The following TMTC2 variants were observed in gnomAD, a reference collection of about 807,000 sequenced individuals.
TMTC2 encodes the protein transmembrane O-mannosyltransferase targeting cadherins 2.
In TMTC2, 43 loss-of-function variants were observed where a neutral mutation model predicts 82.4. The ratio of observed to expected loss-of-function variants is 0.52; its 90% CI spans 0.41 to 0.67. The LOEUF (loss-of-function observed/expected upper bound fraction) is 0.67, where lower values mean the gene tolerates loss of function less well. Ranked by LOEUF, TMTC2 falls within the 30% of genes least tolerant of loss-of-function variation. The pLI, the probability that TMTC2 is intolerant of heterozygous loss-of-function variation, is 0.00. For missense variants in TMTC2, 919 were observed against 1,012.4 expected (o/e 0.91, Z 1.25); for synonymous variants, 408 against 381.9 (o/e 1.07, Z -0.80).
At chr12:83,130,011 A>G (rs1033496940) in intron 11 of TMTC2, among the ~76,000 whole-genome samples, 2 of 152,332 alleles carry the variant, frequency 1.3e-5, no homozygotes, top group South Asian at 2.1e-4. Context: ...GATTCAAGAA[A>G]TAATGACTAT....
At chr12:83,126,498 C>T (rs2137568539) in intron 11 of TMTC2, among the ~76,000 whole-genome samples, 1 of 152,200 alleles carries the variant, frequency 6.6e-6, no homozygotes, top group East Asian at 1.9e-4. Context: ...ATCTGTACTG[C>T]TACCTATTTG....
At position 83,133,724 on chromosome 12, in the gene TMTC2, C is replaced by T. The variant is rs1197379746; in HGVS notation, c.*1335C>T. 6.6e-6 allele frequency: 1 copy of T among 152,178 alleles called. No homozygotes were observed. Among genetic ancestry groups the T allele is most frequent in the Non-Finnish European group, 1.5e-5 (1 of 68,020 alleles). The allele number at this position is 152,178 out of a possible 1,614,324, so 9.4% of individuals were successfully genotyped here. On this transcript the variant is annotated 3_prime_UTR_variant, in exon 12 of 12. Coordinates refer to ENST00000321196, the MANE Select transcript of TMTC2 (RefSeq NM_152588.3). ...ATTTTTATTGAACATTTTTGGCTTG[C>T]AATCAAACTTTGCCACTAAAAATTA...
At chr12:82,914,817 ATTTTTTTT>A (rs71068958) in intron 3 of TMTC2, among the ~76,000 whole-genome samples, 3 of 86,408 alleles carry the variant, frequency 3.5e-5, no homozygotes, top group South Asian at 4.1e-4. Flanking sequence ...CAACTCACTT[ATTTTTTTT>A]TTTTTTTTTT....
intron 4 of TMTC2, among the ~76,000 whole-genome samples, chr12:82,959,629 A>C (rs764200628): frequency 2.6e-5 from 4 of 152,108 alleles, no homozygotes; most frequent in Non-Finnish European, 5.9e-5. Context: ...ATATGCATGA[A>C]ATCAAATTGG....
intron 1 of TMTC2, among the ~76,000 whole-genome samples, chr12:82,823,963 G>A (rs751052220): frequency 2.7e-5 from 4 of 147,466 alleles, no homozygotes; most frequent in African/African-American, 1.0e-4. Context: ...GTGCAATTTC[G>A]ACTCTTTGCA....
At chr12:83,054,606 TTA>T (rs1349457178) in intron 10 of TMTC2, among the ~76,000 whole-genome samples, 3 of 150,718 alleles carry the variant, frequency 2.0e-5, no homozygotes, top group East Asian at 1.9e-4. Context: ...TATATGTCAT[TTA>T]TATATATAGT....
chr12:82,705,175 T>C (rs561508675), intron 1 of TMTC2, among the ~76,000 whole-genome samples: 1 of 152,152 alleles, frequency 6.6e-6, no homozygotes. Flanking sequence ...CAATGGACTT[T>C]GGGGATTCAA....
intron 2 of TMTC2, among the ~76,000 whole-genome samples, chr12:82,883,030 TG>T (rs921730300): frequency 4.8e-4 from 59 of 123,748 alleles, no homozygotes; most frequent in Non-Finnish European, 4.7e-4. Context: ...CACTCCAGAC[TG>T]GGCAACAGAA....
intron 1 of TMTC2, chr12:82,690,247 G>C (rs1382900349): frequency 1.1e-5 from 4 of 374,396 alleles, no homozygotes; most frequent in Non-Finnish European, 1.5e-5. Flanking sequence ...CTACATTTCA[G>C]ATGCAAAGAT....
At chr12:82,740,767 C>T (rs1303291374) in intron 1 of TMTC2, among the ~76,000 whole-genome samples, 2 of 152,214 alleles carry the variant, frequency 1.3e-5, no homozygotes, top group African/African-American at 4.8e-5. Context: ...CATACCGGCT[C>T]TTCTTTCTGC....
chr12:82,808,994 T>C (rs977930941), intron 1 of TMTC2, among the ~76,000 whole-genome samples: 1 of 145,834 alleles, frequency 6.9e-6, no homozygotes, highest in African/African-American at 2.6e-5. Flanking sequence ...TCTAAATCCA[T>C]TGTTTGATTT....
intron 1 of TMTC2, among the ~76,000 whole-genome samples, chr12:82,748,662 G>A (rs1438070213): frequency 6.6e-6 from 1 of 152,126 alleles, no homozygotes. Context: ...GATCACCTGA[G>A]GTCAGAAGTT....
chr12:82,846,335 G>A (rs549054183), intron 1 of TMTC2, among the ~76,000 whole-genome samples: 2 of 152,176 alleles, frequency 1.3e-5, no homozygotes, highest in East Asian at 3.9e-4. Flanking sequence ...TCCAGCCTGG[G>A]CAACAGAACG....
At chr12:82,886,981 G>A (rs1439735188) in intron 2 of TMTC2, among the ~76,000 whole-genome samples, 1 of 152,172 alleles carries the variant, frequency 6.6e-6, no homozygotes, top group Non-Finnish European at 1.5e-5. Flanking sequence ...GTGATGGATG[G>A]TGAATATAAA....
At chr12:82,731,462 A>G (rs1874805819) in intron 1 of TMTC2, among the ~76,000 whole-genome samples, 2 of 152,248 alleles carry the variant, frequency 1.3e-5, no homozygotes. Flanking sequence ...GACATAATTT[A>G]TGAGAAGTAT....
intron 8 of TMTC2, among the ~76,000 whole-genome samples, chr12:83,012,725 T>C (rs1181431531): frequency 6.6e-6 from 1 of 152,148 alleles, no homozygotes; most frequent in Non-Finnish European, 1.5e-5. Context: ...CAGCAAAGTG[T>C]GTAATATAAG....
intron 7 of TMTC2, among the ~76,000 whole-genome samples, chr12:82,978,635 T>C (rs1375302789): frequency 6.6e-6 from 1 of 151,854 alleles, no homozygotes; most frequent in Non-Finnish European, 1.5e-5. Context: ...AAATGATCCA[T>C]GTGCTGCGGT....
chr12:83,012,002 T>G (rs1880484603), intron 8 of TMTC2, among the ~76,000 whole-genome samples: 2 of 152,160 alleles, frequency 1.3e-5, no homozygotes, highest in Non-Finnish European at 2.9e-5. Flanking sequence ...CACATGAAGC[T>G]TTCAGTCAGG....
chr12:82,983,148 T>C (rs1041694690), intron 7 of TMTC2, among the ~76,000 whole-genome samples: 6 of 152,020 alleles, frequency 3.9e-5, no homozygotes, highest in Non-Finnish European at 8.8e-5. Context: ...GTCAGACATT[T>C]GTCACCTGTA....
Sources: allele counts gnomAD v4.1 joint callset (sites outside exome capture counted in the v4.1 genomes callset), GRCh38; gene constraint gnomAD v4.1.1; transcripts MANE v1.5; gene names NCBI Gene and HGNC (gene_info 2026-07-23, HGNC 2026-07-21).